Variants in TAF1A observed in about 807,000 individuals in gnomAD.
The protein encoded by TAF1A is TATA-box binding protein associated factor, RNA polymerase I subunit A.
Under a neutral mutation model 61.6 loss-of-function variants are expected in TAF1A, and 42 were observed. The ratio of observed to expected loss-of-function variants is 0.68; its 90% confidence interval spans 0.53 to 0.88. TAF1A has a LOEUF of 0.88. TAF1A is among the 40% of genes least tolerant of loss of function. The probability of loss-of-function intolerance (pLI) is 0.00; values close to 1 mark genes in which losing one functional copy is unlikely to be tolerated. For missense variants in TAF1A, 424 were observed against 518.7 expected, an observed-to-expected ratio of 0.82 and a Z score of 1.77; for synonymous variants, 179 against 177.7, an observed-to-expected ratio of 1.01 and a Z score of -0.06.
At chr1:222,564,316 TA>T (rs34892481) in intron 7 of TAF1A, among the ~76,000 whole-genome samples, 191 bp from the exon 8 acceptor site, 51,639 of 110,408 alleles carry the variant, frequency 0.47, 10,723 homozygotes, top group Middle Eastern at 0.53. Flanking sequence ...AAAGCTGTCT[TA>T]AAAAAAAAAA....
downstream of TAF1A, among the ~76,000 whole-genome samples, chr1:222,556,833 G>C (rs1436642894): frequency 1.3e-5 from 2 of 152,200 alleles, no homozygotes; most frequent in Admixed American, 6.5e-5. Flanking sequence ...GTTTCAGGAA[G>C]TAGATCTTGG....
At chr1:222,569,422 A>T in intron 7 of TAF1A, 88 bp downstream of exon 7, 1 of 1,609,816 alleles carries the variant, frequency 6.2e-7, no homozygotes, top group Admixed American at 1.7e-5. Flanking sequence ...TTTTCTGTAG[A>T]TGCTATAAAA....
In TAF1A at chr1:222,570,526, T is replaced by G; in HGVS notation, c.735+9A>C. 6.3e-7 allele frequency: 1 copy of G among 1,594,588 alleles called. No homozygotes were observed. The highest frequency in any genetic ancestry group is 2.2e-5 in the East Asian group (1 of 44,662). ...TAAAACCAATAAATTTAATGAAAAT[T>G]CTACTTACTTCTACATAACTCTTCA... On this transcript the variant is annotated intron_variant, in intron 6 of 10. Coordinates refer to ENST00000352967, the MANE Select transcript of TAF1A (RefSeq NM_005681.4).
At chr1:222,556,256 G>A (rs1452225016), downstream of TAF1A, among the ~76,000 whole-genome samples, 1 of 152,188 alleles carries the variant, frequency 6.6e-6, no homozygotes, top group East Asian at 1.9e-4. Flanking sequence ...CCAGAGAGTT[G>A]CATGTCGTCA....
At chr1:222,571,547 T>C (rs1291968457) in intron 5 of TAF1A, among the ~76,000 whole-genome samples, 2 of 151,780 alleles carry the variant, frequency 1.3e-5, no homozygotes, top group African/African-American at 2.4e-5. Context: ...GAGTACAAGA[T>C]CAATACACAA....
chr1:222,564,249 A>T, intron 7 of TAF1A, 124 bp from the exon 8 acceptor site: 1 of 410,180 alleles, frequency 2.4e-6, no homozygotes, highest in Non-Finnish European at 4.4e-6. Flanking sequence ...TAAGTATTTT[A>T]AAAATACCCT....
rs1226213378 is a variant in TAF1A at position 222,564,161 on chromosome 1, T to G, written c.895-36A>C. Reference sequence around the variant, plus strand: ...GAACAGTCTTGTAATCTTTACATACTTGTAAAAGCATTTCTCAAATTTCAG... The same window carrying G: ...GAACAGTCTTGTAATCTTTACATACGTGTAAAAGCATTTCTCAAATTTCAG... On this transcript the variant is annotated intron_variant, in intron 7 of 10. Transcript: ENST00000352967. 3 of 1,310,036 alleles carry G rather than the reference T, an allele frequency of 2.3e-6. No individual in the cohort carries two copies. The African/African-American group carries it at 4.5e-5, about 20-fold the overall frequency. The allele number at this position is 1,310,036 out of a possible 1,614,324, so 81.2% of individuals were successfully genotyped here.
At chr1:222,557,727 C>G (rs1041203592), downstream of TAF1A, among the ~76,000 whole-genome samples, 3 of 151,802 alleles carry the variant, frequency 2.0e-5, no homozygotes, top group Non-Finnish European at 4.4e-5. Context: ...CCAAAAAAGC[C>G]GAGCCCTTTA....
intron 9 of TAF1A, among the ~76,000 whole-genome samples, chr1:222,562,505 G>A (rs950878772): frequency 6.6e-6 from 1 of 152,142 alleles, no homozygotes; most frequent in South Asian, 2.1e-4. Flanking sequence ...GTCCCATCGG[G>A]ACAAGTCAGA....
chr1:222,555,600 G>C (rs918311138), downstream of TAF1A, among the ~76,000 whole-genome samples: 1 of 152,180 alleles, frequency 6.6e-6, no homozygotes, highest in African/African-American at 2.4e-5. Flanking sequence ...CAAAGTTTCA[G>C]TGATACAAGA....
chr1:222,556,834 T>C (rs866186225), downstream of TAF1A, among the ~76,000 whole-genome samples: 6 of 152,340 alleles, frequency 3.9e-5, no homozygotes, highest in Middle Eastern at 3.4e-3. Context: ...TTTCAGGAAG[T>C]AGATCTTGGC....
chr1:222,580,817 A>G (rs975809174), intron 3 of TAF1A, among the ~76,000 whole-genome samples: 1 of 151,486 alleles, frequency 6.6e-6, no homozygotes, highest in Non-Finnish European at 1.5e-5. Flanking sequence ...AGCTATTCTC[A>G]CCACCAGTGT....
At chr1:222,574,833 G>C (rs17163249) in intron 5 of TAF1A, among the ~76,000 whole-genome samples, 11,699 of 152,154 alleles carry the variant, frequency 0.077, 1,104 homozygotes, top group East Asian at 0.32. Flanking sequence ...AGAAAAACCA[G>C]TGAGTGATTA....
chr1:222,569,797 C>T (rs1660276704), intron 6 of TAF1A, 129 bp from the exon 7 acceptor site: 3 of 837,056 alleles, frequency 3.6e-6, no homozygotes, highest in Non-Finnish European at 3.6e-6. Context: ...CCCATTTTTT[C>T]CCTGTATTTT....
Position 222,563,312 on chromosome 1 carries a change from C to T in TAF1A, c.962-16G>A, listed in dbSNP as rs768424108. 6.2e-7 allele frequency: 1 copy of T among 1,609,692 alleles called. No homozygotes were observed. Among genetic ancestry groups the T allele is most frequent in the Non-Finnish European group, 8.5e-7 (1 of 1,178,638 alleles). On this transcript the variant is annotated splice_polypyrimidine_tract_variant and intron_variant, in intron 8 of 10. Transcript: ENST00000352967. ...TCTTCTTTTTCTGCAATGGTTTTAA[C>T]AGTTCAAGTTTACATAAGGTATTAA...
At chr1:222,579,277 G>A (rs1264612229) in intron 4 of TAF1A, among the ~76,000 whole-genome samples, 1 of 152,160 alleles carries the variant, frequency 6.6e-6, no homozygotes, top group Non-Finnish European at 1.5e-5. Context: ...CATAGAGAGG[G>A]AGATACAATA....
intron 9 of TAF1A, 66 bp downstream of exon 9, chr1:222,563,107 T>C (rs1659978574): frequency 2.9e-6 from 4 of 1,386,090 alleles, no homozygotes; most frequent in South Asian, 1.3e-5. Context: ...TAAAAATTGA[T>C]ATTAGCTAAA....
At chr1:222,583,084 C>A (rs1660855798) in intron 3 of TAF1A, among the ~76,000 whole-genome samples, 1 of 152,100 alleles carries the variant, frequency 6.6e-6, no homozygotes. Flanking sequence ...ACCCAAGAGG[C>A]TGAGGTACAA....
chr1:222,555,631 A>G (rs570624300), downstream of TAF1A, among the ~76,000 whole-genome samples: 7 of 152,206 alleles, frequency 4.6e-5, no homozygotes, highest in Non-Finnish European at 1.0e-4. Flanking sequence ...CTGGATATCC[A>G]ATGTCCAGCA....
Sources: gnomAD v4.1 joint callset for allele counts (sites outside exome capture counted in the v4.1 genomes callset) on GRCh38, gnomAD v4.1.1 for gene constraint, MANE v1.5 for transcripts, NCBI Gene and HGNC (gene_info 2026-07-23, HGNC 2026-07-21) for gene names.